The following CCDC85A variants were observed in gnomAD, a reference collection of about 807,000 sequenced individuals.
The protein encoded by CCDC85A is coiled-coil domain containing 85A, also known as coiled-coil domain-containing protein 85A.
In CCDC85A, 38 loss-of-function variants were observed where a neutral mutation model predicts 50.2. The ratio of observed to expected loss-of-function variants is 0.76; its 90% CI spans 0.58 to 0.99. CCDC85A has a LOEUF of 0.99. Ranked by LOEUF, CCDC85A falls within the 50% of genes least tolerant of loss-of-function variation. CCDC85A has a pLI of 0.00. For synonymous variants in CCDC85A, 366 were observed against 301.4 expected, an observed-to-expected ratio of 1.21 and a Z score of -2.22; for missense variants, 820 against 742.0, an observed-to-expected ratio of 1.11 and a Z score of -1.22.
rs1677261959 is a variant in CCDC85A, at chr2:56,213,455, A to G, written c.1240+20015A>G. ...TGATCCACAATCTTGTTTTACGAAG[A>G]GTTCAGATTTGTGTGTAACTTGGAG... is the stretch of plus-strand genomic sequence containing the variant. On this transcript the variant is annotated intron_variant, in intron 2 of 5. Coordinates refer to ENST00000407595, the MANE Select transcript of CCDC85A (RefSeq NM_001080433.2). 4.6e-5 allele frequency among the ~76,000 whole-genome samples: 7 copies of G among 152,022 alleles called. No homozygotes were observed. The South Asian group carries it at 1.4e-3, about 31-fold the overall frequency.
At chr2:56,244,903 G>T (rs2193473) in intron 2 of CCDC85A, among the ~76,000 whole-genome samples, 4 of 151,846 alleles carry the variant, frequency 2.6e-5, no homozygotes, top group South Asian at 2.1e-4. Context: ...CAACTCTGCC[G>T]GATTCCCTGT....
intron 2 of CCDC85A, among the ~76,000 whole-genome samples, chr2:56,321,721 G>A (rs1454212330): frequency 3.9e-5 from 6 of 152,130 alleles, no homozygotes; most frequent in Non-Finnish European, 7.4e-5. Flanking sequence ...TATGGCCCAA[G>A]GTAATTTCTA....
intron 2 of CCDC85A, among the ~76,000 whole-genome samples, chr2:56,229,943 C>T (rs1482959652): frequency 6.6e-6 from 1 of 152,128 alleles, no homozygotes; most frequent in African/African-American, 2.4e-5. Flanking sequence ...TTGCCTGTAA[C>T]ATTTCACTGG....
intron 2 of CCDC85A, among the ~76,000 whole-genome samples, chr2:56,245,089 T>A (rs1223860264): frequency 6.6e-6 from 1 of 152,182 alleles, no homozygotes; most frequent in African/African-American, 2.4e-5. Context: ...TCTCACTAGG[T>A]CATGTGCCCC....
rs192426973 is a variant in CCDC85A at position 56,321,772 on chromosome 2, C to T, written c.1241-21107C>T. On this transcript the variant is annotated intron_variant, in intron 2 of 5. Transcript: ENST00000407595. ...CCATCATGCTACCAATGACTTTCTT[C>T]ACAGAATAGGATAAAACTACTTTAA... 1.8e-3 allele frequency among the ~76,000 whole-genome samples: 268 copies of T among 152,254 alleles called. 1 individual carries two copies. Among genetic ancestry groups the T allele is most frequent in the African/African-American group, 6.2e-3 (259 of 41,548 alleles).
At position 56,200,019 on chromosome 2, in the gene CCDC85A, C is replaced by T. The variant is rs1676669610; in HGVS notation, c.1240+6579C>T. Among the ~76,000 whole-genome samples, 5 of 152,206 alleles carry T rather than the reference C, an allele frequency of 3.3e-5. No individual in the cohort carries two copies. The South Asian group carries it at 1.0e-3, about 31-fold the overall frequency. On this transcript the variant is annotated intron_variant, in intron 2 of 5. Coordinates refer to ENST00000407595, the MANE Select transcript of CCDC85A (RefSeq NM_001080433.2). ...GAGTAGCTGGGATTACAGGCGCACA[C>T]CACCACGCCTAGCTAATTTTTGTAC...
intron 2 of CCDC85A, among the ~76,000 whole-genome samples, chr2:56,286,274 A>G (rs1270722418): frequency 1.3e-5 from 2 of 152,114 alleles, no homozygotes; most frequent in African/African-American, 2.4e-5. Flanking sequence ...ATCATATTGG[A>G]AAATATTCAG....
chr2:56,201,805 G>C (rs768242661), intron 2 of CCDC85A, among the ~76,000 whole-genome samples: 32 of 152,116 alleles, frequency 2.1e-4, no homozygotes, highest in Admixed American at 6.5e-4. Flanking sequence ...CAATATAGCT[G>C]TATTTAGTTT....
intron 2 of CCDC85A, among the ~76,000 whole-genome samples, chr2:56,314,607 C>CTGAT (rs1672838398): frequency 6.6e-6 from 1 of 151,808 alleles, no homozygotes. Context: ...AATTCTGAAA[C>CTGAT]TGATTGACCA....
At chr2:56,212,388 A>G (rs1349923024) in intron 2 of CCDC85A, among the ~76,000 whole-genome samples, 2 of 151,476 alleles carry the variant, frequency 1.3e-5, no homozygotes, top group Non-Finnish European at 2.9e-5. Context: ...TGGCCAACTG[A>G]TTGAAGCCCA....
intron 3 of CCDC85A, among the ~76,000 whole-genome samples, chr2:56,347,910 G>A (rs1016330135): frequency 3.9e-5 from 6 of 152,184 alleles, no homozygotes; most frequent in African/African-American, 1.4e-4. Flanking sequence ...TGCATGTGCA[G>A]TGAGGCCTAT....
At chr2:56,334,505 ATGAGT>A (rs1673978206) in intron 2 of CCDC85A, among the ~76,000 whole-genome samples, 1 of 152,220 alleles carries the variant, frequency 6.6e-6, no homozygotes, top group East Asian at 1.9e-4. Context: ...TCACTGACAG[ATGAGT>A]TGAGGAAAAG....
chr2:56,276,766 TG>T, intron 2 of CCDC85A, among the ~76,000 whole-genome samples: 1 of 152,304 alleles, frequency 6.6e-6, no homozygotes, highest in Admixed American at 6.5e-5. Context: ...ATTTTAAGTT[TG>T]GGGTACAAGT....
intron 2 of CCDC85A, among the ~76,000 whole-genome samples, chr2:56,301,135 T>C (rs968935180): frequency 1.3e-5 from 2 of 152,212 alleles, no homozygotes; most frequent in African/African-American, 4.8e-5. Context: ...CTTTTTTTCT[T>C]GAAATAATAA....
chr2:56,235,490 TAA>T (rs375013488), intron 2 of CCDC85A, among the ~76,000 whole-genome samples: 2 of 148,022 alleles, frequency 1.4e-5, no homozygotes, highest in Non-Finnish European at 1.5e-5. Flanking sequence ...GGGAAAAGAC[TAA>T]AAAAAAAAAT....
chr2:56,269,512 G>A (rs1670606775), intron 2 of CCDC85A, among the ~76,000 whole-genome samples: 1 of 152,072 alleles, frequency 6.6e-6, no homozygotes, highest in South Asian at 2.1e-4. Flanking sequence ...TACAAGTGTG[G>A]GTCCCAAGGC....
intron 2 of CCDC85A, among the ~76,000 whole-genome samples, chr2:56,320,961 C>A (rs1022394443): frequency 6.6e-6 from 1 of 152,174 alleles, no homozygotes; most frequent in Admixed American, 6.5e-5. Context: ...TGGGCTGCAT[C>A]CCTGGGATGC....
intron 2 of CCDC85A, among the ~76,000 whole-genome samples, chr2:56,249,722 G>A (rs1416843646): frequency 6.6e-6 from 1 of 152,164 alleles, no homozygotes; most frequent in Non-Finnish European, 1.5e-5. Context: ...AGAGGGGCTG[G>A]TCTCCCCACA....
chr2:56,240,557 T>C (rs1205025534), intron 2 of CCDC85A, among the ~76,000 whole-genome samples: 1 of 152,220 alleles, frequency 6.6e-6, no homozygotes, highest in Non-Finnish European at 1.5e-5. Context: ...GGATGACTTG[T>C]AGTCAATACC....
Sources: gnomAD v4.1 joint callset for allele counts (sites outside exome capture counted in the v4.1 genomes callset) on GRCh38, gnomAD v4.1.1 for gene constraint, MANE v1.5 for transcripts, NCBI Gene and HGNC (gene_info 2026-07-23, HGNC 2026-07-21) for gene names.